Variants in GALK1 observed in about 807,000 individuals in gnomAD.
GALK1 encodes galactokinase 1.
Under a neutral mutation model 38.6 loss-of-function variants are expected in GALK1, and 30 were observed. That is an observed-to-expected ratio of 0.78 (90% CI 0.58 to 1.05). The LOEUF (loss-of-function observed/expected upper bound fraction) is 1.05, where lower values mean the gene tolerates loss of function less well. Among genes scored for constraint, GALK1 ranks in the 50% least tolerant of loss-of-function variants. The probability of loss-of-function intolerance (pLI) is 0.00; values close to 1 mark genes in which losing one functional copy is unlikely to be tolerated. For synonymous variants in GALK1, 240 were observed against 233.6 expected (o/e 1.03, Z -0.25); for missense variants, 512 against 540.5 (o/e 0.95, Z 0.52).
downstream of GALK1, chr17:75,753,906 C>T: frequency 3.9e-6 from 5 of 1,289,036 alleles, no homozygotes; most frequent in South Asian, 2.6e-5. Flanking sequence ...CACGGGCCCC[C>T]GGACGACGGC....
chr17:75,755,836 AGCT>A, downstream of GALK1: 1 of 1,605,886 alleles, frequency 6.2e-7, no homozygotes, highest in Non-Finnish European at 8.5e-7. Flanking sequence ...GTGGAGTACC[AGCT>A]GCTGAACGGC....
chr17:75,757,859 C>G, downstream of GALK1: 1 of 698,742 alleles, frequency 1.4e-6, no homozygotes, highest in Non-Finnish European at 2.5e-6. Flanking sequence ...GAGAGGTGCT[C>G]CCCTAGGGTA....
At chr17:75,756,548 C>G, downstream of GALK1, 3 of 1,613,236 alleles carry the variant, frequency 1.9e-6, no homozygotes, top group East Asian at 4.5e-5. Flanking sequence ...AGGCTGGGGC[C>G]GAGAGCGTGA....
rs761374448 is a variant in GALK1 at position 75,765,081 on chromosome 17, G to T, written c.56C>A (p.Ala19Asp). The change falls in exon 1 of 8, where the codon GCC becomes GAC. Residue 19 changes from alanine to aspartate, a missense_variant. Physicochemically the swap from Ala to Asp is moderately radical, Grantham distance 126. Transcript: ENST00000588479. ...CTCGGCCCCGAACTCCTCCCGGAAG[G>T]CTCGCCGGGCCTCGGCCAGCAGCTC... is the stretch of plus-strand genomic sequence containing the variant. ...VAELLAEARR[A>D]FREEFGAEPE... is the part of the protein sequence containing the mutation. 2.5e-5 allele frequency: 40 copies of T among 1,596,008 alleles called. No homozygotes were observed. The Admixed American group carries it at 7.0e-4, about 28-fold the overall frequency.
chr17:75,755,801 C>G (rs528247999), downstream of GALK1: 50 of 1,610,234 alleles, frequency 3.1e-5, no homozygotes, highest in South Asian at 5.4e-4. Flanking sequence ...AGCCGCGGTG[C>G]GAGCGGCCGC....
Position 75,764,051 on chromosome 17 carries a change from G to A in GALK1, c.201C>T (p.Pro67=). The A allele has an allele frequency of 1.9e-6, 3 of 1,596,230 alleles. No individual in the cohort carries two copies. Among genetic ancestry groups the A allele is most frequent in the Non-Finnish European group, 1.7e-6 (2 of 1,173,546 alleles). The part of the protein sequence containing the change: ...LELMTVLVGS[P]RKDGLVSLLT... ...GGAGAGACACCAGCCCATCCTTGCG[G>A]GGGCTGCCCACCAGCACCGTCATGA... Residue 67 remains proline (P), a synonymous_variant, in exon 2 of 8, where the codon CCC becomes CCT. Transcript: ENST00000588479.
At chr17:75,761,588 G>A (rs1364424382) in intron 5 of GALK1, among the ~76,000 whole-genome samples, 2 of 145,334 alleles carry the variant, frequency 1.4e-5, no homozygotes, top group Non-Finnish European at 3.0e-5. Context: ...CTGCACTCCA[G>A]CCTGGGCAAC....
chr17:75,751,865 C>G (rs1052516284), intron 8 of GALK1: 6 of 458,608 alleles, frequency 1.3e-5, no homozygotes, highest in African/African-American at 1.2e-4. Flanking sequence ...AACCCCTATG[C>G]GTGCCCTTGC....
At chr17:75,757,601 G>T (rs768005612), downstream of GALK1, 1 of 1,611,178 alleles carries the variant, frequency 6.2e-7, no homozygotes, top group Non-Finnish European at 8.5e-7. Context: ...GCGTCCTCCC[G>T]ACTCCTCTCC....
chr17:75,765,130 C>T lies in GALK1; in HGVS notation c.7G>A (p.Ala3Thr). Residue 3 changes from alanine (A) to threonine (T), a missense_variant, in exon 1 of 8, where the codon GCT (alanine) becomes ACT (threonine). Physicochemically the swap from Ala to Thr is moderately conservative, Grantham distance 58 (BLOSUM62 0). Coordinates refer to ENST00000588479, the MANE Select transcript of GALK1 (RefSeq NM_000154.2). ...TCCGCGACCTGGGGCTGTCTCAAAG[C>T]AGCCATGACGCGCGCCTGCAGCTCT... MA[A>T]LRQPQVAELL... The T allele has an allele frequency of 6.4e-7, 1 of 1,569,014 alleles. No individual in the cohort carries two copies. Among genetic ancestry groups the T allele is most frequent in the South Asian group, 1.2e-5 (1 of 86,410 alleles).
downstream of GALK1, chr17:75,755,706 C>T (rs772482963): frequency 1.3e-5 from 21 of 1,612,854 alleles, no homozygotes; most frequent in Admixed American, 5.0e-5. Flanking sequence ...CCCAGACTCT[C>T]GCCTGACTGC....
chr17:75,761,318 G>C (rs547020931), intron 5 of GALK1, among the ~76,000 whole-genome samples: 2 of 151,902 alleles, frequency 1.3e-5, no homozygotes, highest in Admixed American at 6.6e-5. Flanking sequence ...AAATATTGTG[G>C]AGCTTTAAAG....
rs1218776658 is a variant in GALK1, at chr17:75,763,988, C to T, written c.264G>A (p.Leu88=). The T allele has an allele frequency of 1.9e-6, 3 of 1,612,272 alleles. No individual in the cohort carries two copies. The highest frequency in any genetic ancestry group is 1.1e-5 in the South Asian group (1 of 90,912). Residue 88 remains leucine (L), a synonymous_variant, in exon 2 of 8, where the codon CTG becomes CTA. Transcript: ENST00000588479. ...GCTGGGCTGTGGGCAGTGGAAACTG[C>T]AGCCGCTGGGGCTCATCGGCACCCT... ...TSEGADEPQR[L]QFPLPTAQRS... is the part of the protein sequence containing the mutation.
chr17:75,763,627 G>T, intron 2 of GALK1, 188 bp from the exon 3 acceptor site: 3 of 735,326 alleles, frequency 4.1e-6, no homozygotes, highest in Non-Finnish European at 6.8e-6. Context: ...CACCCTCTGA[G>T]GTTGCTGGGA....
downstream of GALK1, chr17:75,756,648 C>G: frequency 6.2e-7 from 1 of 1,613,020 alleles, no homozygotes; most frequent in African/African-American, 1.3e-5. Flanking sequence ...CCAGAGCTGC[C>G]CCCATCATGC....
downstream of GALK1, chr17:75,753,648 G>C (rs995475644): frequency 3.2e-6 from 2 of 632,172 alleles, no homozygotes; most frequent in African/African-American, 3.8e-5. Context: ...CACACACCCC[G>C]GGATCCCGGG....
At chr17:75,753,994 C>A, downstream of GALK1, 2 of 1,080,972 alleles carry the variant, frequency 1.9e-6, no homozygotes, top group Non-Finnish European at 2.4e-6. Flanking sequence ...TCACCCGCCG[C>A]CCCCCGATCC....
At chr17:75,755,612 TGAGG>T, downstream of GALK1, 2 of 1,545,484 alleles carry the variant, frequency 1.3e-6, no homozygotes, top group South Asian at 1.1e-5. Flanking sequence ...ACATGCCAGC[TGAGG>T]GAGGGAGGTC....
chr17:75,764,924 G>T (rs914086622), intron 1 of GALK1, 48 bp downstream of exon 1: 2 of 1,580,446 alleles, frequency 1.3e-6, no homozygotes, highest in Non-Finnish European at 1.7e-6. Context: ...CTCCTCGGCG[G>T]CCGGGACAGG....
Sources: allele counts gnomAD v4.1 joint callset (sites outside exome capture counted in the v4.1 genomes callset), GRCh38; gene constraint gnomAD v4.1.1; transcripts MANE v1.5; gene names NCBI Gene and HGNC (gene_info 2026-07-23, HGNC 2026-07-21).